Variants in CDK8 observed in about 807,000 individuals in gnomAD.
The protein encoded by CDK8 is cyclin-dependent kinase 8.
A neutral mutation model predicts 71.5 loss-of-function variants in CDK8; 29 were observed. The observed-to-expected ratio is 0.41, with a 90% CI of 0.30 to 0.55. The LOEUF (loss-of-function observed/expected upper bound fraction) is 0.55. Ranked by LOEUF, CDK8 falls within the 20% of genes least tolerant of loss-of-function variation. CDK8 has a pLI of 0.37. For synonymous variants in CDK8, 161 were observed against 192.1 expected, an observed-to-expected ratio of 0.84 and a Z score of 1.34; for missense variants, 288 against 572.6, an observed-to-expected ratio of 0.50 and a Z score of 5.07.
At chr13:26,347,660 A>C (rs1017959248) in intron 2 of CDK8, among the ~76,000 whole-genome samples, 4 of 152,190 alleles carry the variant, frequency 2.6e-5, no homozygotes, top group African/African-American at 9.6e-5. Flanking sequence ...ACGATCTACA[A>C]ATGGTCAGTA....
At chr13:26,379,248 C>T (rs1266695950) in intron 4 of CDK8, among the ~76,000 whole-genome samples, 1 of 152,140 alleles carries the variant, frequency 6.6e-6, no homozygotes, top group Non-Finnish European at 1.5e-5. Flanking sequence ...TCTGAATTCA[C>T]TAAAGAGAGA....
intron 1 of CDK8, among the ~76,000 whole-genome samples, chr13:26,326,099 G>A (rs1244111958): frequency 2.0e-5 from 3 of 152,132 alleles, no homozygotes; most frequent in African/African-American, 7.2e-5. Flanking sequence ...CCCTAAGTGT[G>A]GTTTTGGTGT....
intron 6 of CDK8, among the ~76,000 whole-genome samples, chr13:26,387,361 T>C (rs9581659): frequency 1.3e-5 from 2 of 152,188 alleles, no homozygotes; most frequent in Non-Finnish European, 2.9e-5. Flanking sequence ...TATTTAAAAA[T>C]CAGGTTACTA....
In CDK8 at chr13:26,329,470, TTTTTTTTTTTTTG is replaced by T. The variant is rs1274668345; in HGVS notation, c.129-8086_129-8074del. On this transcript the variant is annotated intron_variant, in intron 1 of 12. Coordinates refer to ENST00000381527, the MANE Select transcript of CDK8 (RefSeq NM_001260.3). ...CCCCATCTTACCTTGCCTATTTCTG[TTTTTTTTTTTTTG>T]TTTTTTTTTTGTTTGTTTTGTTTTG... Among the ~76,000 whole-genome samples, 45 of 58,212 alleles carry T rather than the reference TTTTTTTTTTTTTG, an allele frequency of 7.7e-4. 1 individual carries two copies. Among genetic ancestry groups the T allele is most frequent in the East Asian group, 2.9e-3 (6 of 2,040 alleles). The allele number at this position is 58,212 out of a possible 152,430, so 38.2% of individuals were successfully genotyped here.
chr13:26,311,681 C>G (rs1037842133), intron 1 of CDK8, among the ~76,000 whole-genome samples: 9 of 152,146 alleles, frequency 5.9e-5, no homozygotes, highest in Admixed American at 5.9e-4. Flanking sequence ...GTAAGCCTCC[C>G]GCTTCATCTC....
At chr13:26,311,778 G>A (rs562462222) in intron 1 of CDK8, among the ~76,000 whole-genome samples, 1 of 151,908 alleles carries the variant, frequency 6.6e-6, no homozygotes, top group Non-Finnish European at 1.5e-5. Context: ...CATTATCATT[G>A]GCCAGAATTG....
chr13:26,344,641 C>G (rs558998634), intron 2 of CDK8, among the ~76,000 whole-genome samples: 2 of 152,070 alleles, frequency 1.3e-5, no homozygotes, highest in South Asian at 4.2e-4. Context: ...GTGGTGCATG[C>G]CTGTGGAGGC....
intron 1 of CDK8, among the ~76,000 whole-genome samples, chr13:26,273,613 T>A (rs2137874655): frequency 6.6e-6 from 1 of 151,106 alleles, no homozygotes; most frequent in Non-Finnish European, 1.5e-5. Context: ...CAGTTCAGAC[T>A]AACTATTGTA....
At chr13:26,382,895 A>G in intron 5 of CDK8, 24 bp downstream of exon 5, 3 of 1,513,692 alleles carry the variant, frequency 2.0e-6, no homozygotes, top group Middle Eastern at 3.5e-4. Context: ...TTGCTAAGTC[A>G]CAGTGTAGCA....
intron 1 of CDK8, among the ~76,000 whole-genome samples, chr13:26,298,753 A>T (rs1229423022): frequency 6.6e-6 from 1 of 152,200 alleles, no homozygotes; most frequent in Non-Finnish European, 1.5e-5. Context: ...GTCAAAAATT[A>T]TGCTGGTGAG....
At chr13:26,313,575 A>G (rs1206067921) in intron 1 of CDK8, among the ~76,000 whole-genome samples, 3 of 152,168 alleles carry the variant, frequency 2.0e-5, no homozygotes, top group African/African-American at 7.2e-5. Flanking sequence ...TCCTTTACAC[A>G]TTTCAGGGAA....
chr13:26,269,545 A>ATTT (rs1363155658), intron 1 of CDK8, among the ~76,000 whole-genome samples: 59 of 150,190 alleles, frequency 3.9e-4, no homozygotes, highest in African/African-American at 1.4e-3. Context: ...TTCTCTTTAG[A>ATTT]TTGTTTTTTT....
intron 1 of CDK8, among the ~76,000 whole-genome samples, chr13:26,302,912 C>T (rs1239004872): frequency 6.6e-6 from 1 of 152,146 alleles, no homozygotes; most frequent in Admixed American, 6.5e-5. Flanking sequence ...TACTATGTTG[C>T]CCAGGCTGGC....
intron 2 of CDK8, among the ~76,000 whole-genome samples, chr13:26,344,173 T>C (rs969479865): frequency 1.3e-5 from 2 of 152,216 alleles, no homozygotes; most frequent in African/African-American, 4.8e-5. Context: ...TGTGTTATTT[T>C]ATTTAGGGTT....
intron 6 of CDK8, among the ~76,000 whole-genome samples, chr13:26,386,151 A>T (rs1349059306): frequency 6.6e-6 from 1 of 152,048 alleles, no homozygotes; most frequent in African/African-American, 2.4e-5. Flanking sequence ...TCCCCTACCA[A>T]CCTCTCAATC....
At chr13:26,275,914 G>C (rs1200350660) in intron 1 of CDK8, among the ~76,000 whole-genome samples, 1 of 152,086 alleles carries the variant, frequency 6.6e-6, no homozygotes. Context: ...CCAGGCTGGA[G>C]TGCCGTGGCA....
chr13:26,330,813 A>T (rs1875280852), intron 1 of CDK8, among the ~76,000 whole-genome samples: 1 of 152,184 alleles, frequency 6.6e-6, no homozygotes, highest in African/African-American at 2.4e-5. Flanking sequence ...TAGTGTATAT[A>T]TACCACATTT....
At chr13:26,268,814 A>G (rs1872163741) in intron 1 of CDK8, among the ~76,000 whole-genome samples, 1 of 152,084 alleles carries the variant, frequency 6.6e-6, no homozygotes, top group Admixed American at 6.5e-5. Context: ...TTGGTATTCT[A>G]CCTCCATGCA....
chr13:26,276,123 A>C (rs1872554600), intron 1 of CDK8, among the ~76,000 whole-genome samples: 1 of 152,192 alleles, frequency 6.6e-6, no homozygotes, highest in Non-Finnish European at 1.5e-5. Context: ...GGCCTCCCAA[A>C]GTGCTGGGAT....
Sources: allele counts gnomAD v4.1 joint callset (sites outside exome capture counted in the v4.1 genomes callset), GRCh38; gene constraint gnomAD v4.1.1; transcripts MANE v1.5; gene names NCBI Gene and HGNC (gene_info 2026-07-23, HGNC 2026-07-21).